Variants in FOXN3 observed in about 807,000 individuals in gnomAD.
The protein encoded by FOXN3 is forkhead box protein N3.
Under a neutral mutation model 38.4 loss-of-function variants are expected in FOXN3, and 7 were observed. That is an observed-to-expected ratio of 0.18 (90% confidence interval 0.10 to 0.34). The LOEUF is 0.34. Ranked by LOEUF, FOXN3 falls within the 10% of genes least tolerant of loss-of-function variation. The pLI is 1.00. For missense variants in FOXN3, 456 were observed against 613.4 expected (o/e 0.74, Z 2.71); for synonymous variants, 230 against 242.2 (o/e 0.95, Z 0.47).
At chr14:89,424,269 G>A (rs1891976736) in intron 1 of FOXN3, among the ~76,000 whole-genome samples, 1 of 152,146 alleles carries the variant, frequency 6.6e-6, no homozygotes, top group South Asian at 2.1e-4. Flanking sequence ...GACTGTACGT[G>A]TGAAACAATT....
At chr14:89,613,828 G>A (rs1042666959) in intron 1 of FOXN3, among the ~76,000 whole-genome samples, 32 of 152,196 alleles carry the variant, frequency 2.1e-4, no homozygotes, top group African/African-American at 7.5e-4. Flanking sequence ...AGGGAGGTTG[G>A]CTGTGGCCAT....
intron 1 of FOXN3, chr14:89,486,726 T>C (rs1180631081): frequency 6.6e-6 from 1 of 152,146 alleles, no homozygotes; most frequent in Non-Finnish European, 1.5e-5. Flanking sequence ...AGAGAGCCCT[T>C]GCAACCACAA....
At chr14:89,491,141 GTTTTTT>G in intron 1 of FOXN3, among the ~76,000 whole-genome samples, 1 of 145,566 alleles carries the variant, frequency 6.9e-6, no homozygotes, top group South Asian at 2.2e-4. Flanking sequence ...TTTGTTTTTT[GTTTTTT>G]TTTTTTTAAG....
In FOXN3 at chr14:89,159,845, T is replaced by C. The variant is rs147733896; in HGVS notation, c.*2569A>G. ...CGGAGGGAACAGAGCACTGCGAAGA[T>C]ACTTTATTCCCACCTACACCCTGAA... On this transcript the variant is annotated 3_prime_UTR_variant, in exon 6 of 6. Coordinates refer to ENST00000557258, the MANE Select transcript of FOXN3 (RefSeq NM_005197.4). 1.3e-5 allele frequency: 2 copies of C among 152,340 alleles called. No homozygotes were observed. Among genetic ancestry groups the C allele is most frequent in the African/African-American group, 4.8e-5 (2 of 41,570 alleles). 9.4% of individuals were successfully genotyped at this position (152,340 alleles called of 1,614,324 possible). A position where few individuals can be genotyped will look rare whatever the true frequency, so the allele number is the denominator to read the frequency against.
chr14:89,385,707 T>C (rs1596243732), intron 2 of FOXN3, among the ~76,000 whole-genome samples: 1 of 152,276 alleles, frequency 6.6e-6, no homozygotes, highest in East Asian at 1.9e-4. Flanking sequence ...CCTGGGAGGC[T>C]GAGGCAGGAG....
At chr14:89,568,263 T>C (rs1895407742) in intron 1 of FOXN3, among the ~76,000 whole-genome samples, 2 of 152,182 alleles carry the variant, frequency 1.3e-5, no homozygotes, top group Admixed American at 6.5e-5. Flanking sequence ...CTGGTCTCCG[T>C]GACTGCACTG....
At chr14:89,398,844 G>A (rs941553572) in intron 2 of FOXN3, among the ~76,000 whole-genome samples, 5 of 152,086 alleles carry the variant, frequency 3.3e-5, no homozygotes, top group Non-Finnish European at 7.4e-5. Flanking sequence ...AATTAGCCAC[G>A]CATGGTGGCA....
At chr14:89,432,713 T>C (rs1436518936) in intron 1 of FOXN3, among the ~76,000 whole-genome samples, 4 of 152,186 alleles carry the variant, frequency 2.6e-5, no homozygotes, top group Admixed American at 2.6e-4. Context: ...GATCACAGAA[T>C]GTAACTTTCT....
At chr14:89,373,223 G>A (rs1286515154) in intron 2 of FOXN3, among the ~76,000 whole-genome samples, 3 of 152,100 alleles carry the variant, frequency 2.0e-5, no homozygotes. Flanking sequence ...TATTTTTAAA[G>A]ACACTGAAAG....
intron 1 of FOXN3, among the ~76,000 whole-genome samples, chr14:89,463,116 C>T (rs1271496218): frequency 5.3e-5 from 8 of 151,388 alleles, no homozygotes; most frequent in Admixed American, 6.6e-5. Flanking sequence ...GGTGAAACCC[C>T]GTCTCTACTA....
At chr14:89,310,894 G>T (rs7145666) in intron 3 of FOXN3, among the ~76,000 whole-genome samples, 17,775 of 149,828 alleles carry the variant, frequency 0.12, 1,092 homozygotes, top group East Asian at 0.22. Flanking sequence ...ATCACCTGAG[G>T]TCAGGAGTTT....
rs78009058 is a variant in FOXN3 at position 89,322,406 on chromosome 14, G to A, written c.680+28266C>T. Among the ~76,000 whole-genome samples the A allele has an allele frequency of 6.3e-3, 962 of 152,306 alleles. 12 individuals are homozygous for A. Among genetic ancestry groups the A allele is most frequent in the African/African-American group, 0.022 (919 of 41,554 alleles). On this transcript the variant is annotated intron_variant, in intron 3 of 5. Transcript: ENST00000557258. ...GTTGGGGGCATGAAGGGGAACAAGA[G>A]AGGATACGGGCTCCTGCCCTCACAC...
chr14:89,515,527 A>ACCGTGCCACTGTACT (rs1894182736), intron 1 of FOXN3, among the ~76,000 whole-genome samples: 1 of 151,820 alleles, frequency 6.6e-6, no homozygotes, highest in African/African-American at 2.4e-5. Context: ...GGAGTTCAAG[A>ACCGTGCCACTGTACT]CCAGCCTGGC....
chr14:89,435,544 C>G (rs1208431632), intron 1 of FOXN3, among the ~76,000 whole-genome samples: 1 of 152,154 alleles, frequency 6.6e-6, no homozygotes, highest in Non-Finnish European at 1.5e-5. Context: ...TGTGGTACGA[C>G]AGCCAAAGCA....
chr14:89,254,602 G>A (rs1290047373), intron 4 of FOXN3, among the ~76,000 whole-genome samples: 14 of 152,142 alleles, frequency 9.2e-5, no homozygotes, highest in Admixed American at 9.2e-4. Flanking sequence ...TTTTTAAGTA[G>A]TGGCAATGAA....
At chr14:89,424,793 G>C (rs1158340522) in intron 1 of FOXN3, among the ~76,000 whole-genome samples, 1 of 151,764 alleles carries the variant, frequency 6.6e-6, no homozygotes, top group Non-Finnish European at 1.5e-5. Flanking sequence ...GCTAAGGTAG[G>C]AGGTTCACTT....
At chr14:89,368,336 A>G (rs1257149564) in intron 2 of FOXN3, among the ~76,000 whole-genome samples, 1 of 150,484 alleles carries the variant, frequency 6.6e-6, no homozygotes, top group Non-Finnish European at 1.5e-5. Context: ...GTCTCAAAAA[A>G]AAAAAAAAAG....
chr14:89,390,841 C>A (rs1890924258), intron 2 of FOXN3, among the ~76,000 whole-genome samples: 1 of 152,132 alleles, frequency 6.6e-6, no homozygotes, highest in Non-Finnish European at 1.5e-5. Flanking sequence ...CTCTCTAAGG[C>A]CAAGTTCAGA....
At chr14:89,300,982 T>C (rs951702541) in intron 3 of FOXN3, among the ~76,000 whole-genome samples, 1 of 151,702 alleles carries the variant, frequency 6.6e-6, no homozygotes, top group Non-Finnish European at 1.5e-5. Flanking sequence ...CTTTTTTTTT[T>C]AGTAGAGACG....
Sources: allele counts gnomAD v4.1 joint callset (sites outside exome capture counted in the v4.1 genomes callset), GRCh38; gene constraint gnomAD v4.1.1; transcripts MANE v1.5; gene names NCBI Gene and HGNC (gene_info 2026-07-23, HGNC 2026-07-21).